Variants in CTNNA2 observed in about 807,000 individuals in gnomAD.
The protein encoded by CTNNA2 is catenin alpha-2.
Under a neutral mutation model 101.0 loss-of-function variants are expected in CTNNA2, and 42 were observed. The ratio of observed to expected loss-of-function variants is 0.42; its 90% CI spans 0.32 to 0.54. CTNNA2 has a LOEUF of 0.54. Ranked by LOEUF, CTNNA2 falls within the 20% of genes least tolerant of loss-of-function variation. The pLI is 0.14. For synonymous variants in CTNNA2, 450 were observed against 456.4 expected, an observed-to-expected ratio of 0.99 and a Z score of 0.18; for missense variants, 871 against 1,223.1, an observed-to-expected ratio of 0.71 and a Z score of 4.29.
intron 9 of CTNNA2, among the ~76,000 whole-genome samples, chr2:80,508,448 T>C (rs904190998): frequency 6.6e-6 from 1 of 152,120 alleles, no homozygotes; most frequent in Non-Finnish European, 1.5e-5. Flanking sequence ...TCTCACATTG[T>C]ACTCCAGCCT....
At chr2:79,496,108 G>T (rs80013688) in intron 4 of CTNNA2, among the ~76,000 whole-genome samples, 4,447 of 152,142 alleles carry the variant, frequency 0.029, 155 homozygotes, top group East Asian at 0.15. Context: ...ATATTAAAAA[G>T]TATTGAATTG....
intron 7 of CTNNA2, among the ~76,000 whole-genome samples, chr2:80,151,958 T>G (rs1250747939): frequency 6.6e-6 from 1 of 152,204 alleles, no homozygotes; most frequent in East Asian, 1.9e-4. Flanking sequence ...GTCTTGTTGC[T>G]GCATTGCCAT....
intron 1 of CTNNA2, among the ~76,000 whole-genome samples, chr2:79,190,439 T>C (rs564932758): frequency 4.6e-5 from 7 of 152,098 alleles, no homozygotes; most frequent in Non-Finnish European, 7.3e-5. Flanking sequence ...CACTTTCTAC[T>C]TGGATTTCAT....
intron 9 of CTNNA2, among the ~76,000 whole-genome samples, chr2:80,512,882 G>A (rs562544633): frequency 6.6e-6 from 1 of 151,896 alleles, no homozygotes; most frequent in Non-Finnish European, 1.5e-5. Flanking sequence ...GAGGGCCGTT[G>A]TAATCTTTAA....
chr2:80,596,316 T>G (rs1696970219), intron 15 of CTNNA2, among the ~76,000 whole-genome samples: 1 of 88,112 alleles, frequency 1.1e-5, no homozygotes, highest in Non-Finnish European at 2.2e-5. Context: ...TTTTTTTTTT[T>G]TTTTTTTTTT....
intron 2 of CTNNA2, among the ~76,000 whole-genome samples, chr2:79,284,633 T>A (rs1675505003): frequency 6.7e-6 from 1 of 149,282 alleles, no homozygotes; most frequent in Non-Finnish European, 1.5e-5. Context: ...GTGGATAAGC[T>A]TTTTGATGTG....
chr2:80,618,934 T>A (rs1699074662), intron 17 of CTNNA2, 151 bp from the exon 18 acceptor site: 1 of 473,652 alleles, frequency 2.1e-6, no homozygotes, highest in Non-Finnish European at 3.7e-6. Flanking sequence ...TATGTATATC[T>A]CTTTCAGCAC....
At chr2:79,878,776 C>T (rs961388635) in intron 6 of CTNNA2, among the ~76,000 whole-genome samples, 3 of 152,042 alleles carry the variant, frequency 2.0e-5, no homozygotes, top group Non-Finnish European at 1.5e-5. Context: ...CCGTAGATTG[C>T]CTGTTCACTC....
intron 9 of CTNNA2, among the ~76,000 whole-genome samples, chr2:80,517,823 T>C (rs1335581878): frequency 6.6e-6 from 1 of 152,218 alleles, no homozygotes; most frequent in Non-Finnish European, 1.5e-5. Flanking sequence ...TTTTACTGTT[T>C]GTTGCCTAAA....
intron 7 of CTNNA2, among the ~76,000 whole-genome samples, chr2:79,944,684 T>A (rs1267930804): frequency 6.6e-6 from 1 of 152,196 alleles, no homozygotes; most frequent in South Asian, 2.1e-4. Context: ...CTTTGAAATA[T>A]ACCAACATCT....
intron 3 of CTNNA2, among the ~76,000 whole-genome samples, chr2:79,746,051 C>T (rs1671623226): frequency 6.6e-6 from 1 of 151,766 alleles, no homozygotes; most frequent in Non-Finnish European, 1.5e-5. Context: ...GTTCCAGTTT[C>T]TCCAAATCCT....
chr2:79,379,752 T>C (rs922815361), intron 4 of CTNNA2, among the ~76,000 whole-genome samples: 2 of 152,176 alleles, frequency 1.3e-5, no homozygotes, highest in East Asian at 1.9e-4. Flanking sequence ...GTGATTATGT[T>C]AGTATTTCTG....
At chr2:80,276,007 T>C (rs981899654) in intron 7 of CTNNA2, among the ~76,000 whole-genome samples, 1 of 152,178 alleles carries the variant, frequency 6.6e-6, no homozygotes, top group Admixed American at 6.5e-5. Flanking sequence ...ATATCAACTT[T>C]ATAATGGAGG....
At chr2:80,348,487 C>G (rs967035473) in intron 7 of CTNNA2, among the ~76,000 whole-genome samples, 1 of 152,186 alleles carries the variant, frequency 6.6e-6, no homozygotes, top group Admixed American at 6.5e-5. Context: ...ATTGCACAGC[C>G]GGTCATTGGA....
In CTNNA2 at chr2:80,260,404, G is replaced by A. The variant is rs555154589; in HGVS notation, c.1057-132807G>A. ...ATATCCAAAAATATCTCATTTACTG[G>A]TATCTACAACTCTGTCTTTGCCTGG... On this transcript the variant is annotated intron_variant, in intron 7 of 18. Coordinates refer to ENST00000402739, the MANE Select transcript of CTNNA2 (RefSeq NM_001282597.3). Among the ~76,000 whole-genome samples the A allele has an allele frequency of 4.6e-5, 7 of 152,260 alleles. 1 individual carries two copies. In the South Asian group the frequency reaches 1.5e-3, roughly 32 times the overall value.
chr2:80,552,804 G>T (rs924035672), intron 11 of CTNNA2, among the ~76,000 whole-genome samples: 2 of 152,142 alleles, frequency 1.3e-5, no homozygotes, highest in Non-Finnish European at 2.9e-5. Flanking sequence ...TATTTTAAAA[G>T]TACGGTAAAA....
At chr2:80,192,258 C>T (rs1430376176) in intron 7 of CTNNA2, among the ~76,000 whole-genome samples, 1 of 152,158 alleles carries the variant, frequency 6.6e-6, no homozygotes, top group African/African-American at 2.4e-5. Context: ...TAACTACGTA[C>T]AGGCAAGACT....
intron 17 of CTNNA2, among the ~76,000 whole-genome samples, chr2:80,617,624 CATT>C (rs931042107): frequency 3.3e-5 from 5 of 151,476 alleles, no homozygotes; most frequent in African/African-American, 1.2e-4. Context: ...ATGTCTCTAA[CATT>C]TATTTTGAAG....
intron 6 of CTNNA2, among the ~76,000 whole-genome samples, chr2:79,895,833 CTTT>C (rs1684676773): frequency 6.6e-6 from 1 of 151,908 alleles, no homozygotes; most frequent in Non-Finnish European, 1.5e-5. Flanking sequence ...TTATTATTAG[CTTT>C]ATAAGCTTAA....
Sources: gnomAD v4.1 joint callset for allele counts (sites outside exome capture counted in the v4.1 genomes callset) on GRCh38, gnomAD v4.1.1 for gene constraint, MANE v1.5 for transcripts, NCBI Gene and HGNC (gene_info 2026-07-23, HGNC 2026-07-21) for gene names.